The following NAV2 variants were observed in gnomAD, a reference collection of about 807,000 sequenced individuals.
NAV2 encodes neuron navigator 2.
A neutral mutation model predicts 223.2 loss-of-function variants in NAV2; 54 were observed. The ratio of observed to expected loss-of-function variants is 0.24; its 90% CI spans 0.19 to 0.30. The LOEUF (loss-of-function observed/expected upper bound fraction) is 0.30, where lower values mean the gene tolerates loss of function less well. Among genes scored for constraint, NAV2 ranks in the 10% least tolerant of loss-of-function variants. NAV2 has a pLI of 1.00. For synonymous variants in NAV2, 1,279 were observed against 1,239.3 expected, an observed-to-expected ratio of 1.03 and a Z score of -0.67; for missense variants, 2,806 against 3,147.5, an observed-to-expected ratio of 0.89 and a Z score of 2.60.
At chr11:19,390,559 C>T (rs1849207494) in intron 1 of NAV2, among the ~76,000 whole-genome samples, 1 of 152,082 alleles carries the variant, frequency 6.6e-6, no homozygotes, top group Non-Finnish European at 1.5e-5. Context: ...ATAAATAAAT[C>T]ATAAAGTTTC....
chr11:19,667,256 C>G (rs2048440028), intron 1 of NAV2, among the ~76,000 whole-genome samples: 1 of 152,250 alleles, frequency 6.6e-6, no homozygotes. Flanking sequence ...TCACTGGTGC[C>G]TGCTCTTTGC....
In NAV2 at chr11:19,812,089, G is replaced by A. The variant is rs572824831; in HGVS notation, c.268-20395G>A. On this transcript the variant is annotated intron_variant, in intron 1 of 37. Coordinates refer to ENST00000349880, the MANE Select transcript of NAV2 (RefSeq NM_145117.5). The stretch of plus-strand genomic sequence containing the variant: ...CCACATTGAAAAAAGGCAATCTCAA[G>A]AGCAGACCAGAATTCAGTCCAGCAA... Among the ~76,000 whole-genome samples, 46 of 152,224 alleles carry A rather than the reference G, an allele frequency of 3.0e-4. 1 individual carries two copies. In the South Asian group the frequency reaches 9.6e-3, roughly 32 times the overall value.
intron 30 of NAV2, among the ~76,000 whole-genome samples, chr11:20,096,009 G>A (rs2061240723): frequency 6.6e-6 from 1 of 152,220 alleles, no homozygotes; most frequent in Non-Finnish European, 1.5e-5. Context: ...GCCAGCTAGT[G>A]AGTGTGATCT....
chr11:19,459,953 G>T (rs1274118187), intron 1 of NAV2, among the ~76,000 whole-genome samples: 1 of 152,184 alleles, frequency 6.6e-6, no homozygotes, highest in Non-Finnish European at 1.5e-5. Context: ...TATCAGCATG[G>T]TGTAGTGGAT....
intron 1 of NAV2, among the ~76,000 whole-genome samples, chr11:19,761,597 T>A (rs562228487): frequency 1.3e-5 from 2 of 152,144 alleles, no homozygotes; most frequent in Non-Finnish European, 2.9e-5. Flanking sequence ...CAATGGCCAG[T>A]GTCACTGCAG....
At chr11:20,086,973 G>A (rs535083452) in intron 26 of NAV2, among the ~76,000 whole-genome samples, 29 of 152,204 alleles carry the variant, frequency 1.9e-4, no homozygotes, top group African/African-American at 5.8e-4. Flanking sequence ...TGGTGGTGTC[G>A]AAAGCTGGGC....
At chr11:19,765,917 G>A (rs1291604967) in intron 1 of NAV2, among the ~76,000 whole-genome samples, 1 of 152,034 alleles carries the variant, frequency 6.6e-6, no homozygotes, top group African/African-American at 2.4e-5. Context: ...TCTCTCTCTA[G>A]GACTTACTAT....
chr11:19,345,381 G>A, the NAV2 span, among the ~76,000 whole-genome samples: 1 of 152,208 alleles, frequency 6.6e-6, no homozygotes. This position sits in a 1 kb window ranked among gnomAD's most constrained non-coding sequence, Gnocchi z 5.2. Flanking sequence ...GACCGGCCTG[G>A]GAAAGTTTGC....
chr11:19,916,087 C>G (rs1257685931), intron 6 of NAV2, among the ~76,000 whole-genome samples: 2 of 152,162 alleles, frequency 1.3e-5, no homozygotes, highest in Non-Finnish European at 2.9e-5. Context: ...AAGTACAATA[C>G]TTAGCATAGT....
At chr11:19,733,710 T>C (rs560257761) in intron 1 of NAV2, among the ~76,000 whole-genome samples, 11 of 152,160 alleles carry the variant, frequency 7.2e-5, no homozygotes, top group African/African-American at 2.6e-4. Flanking sequence ...TATCATGGGA[T>C]TCCAAGTAGG....
intron 1 of NAV2, among the ~76,000 whole-genome samples, chr11:19,527,456 T>G (rs1011395866): frequency 2.6e-5 from 4 of 152,140 alleles, no homozygotes; most frequent in Admixed American, 2.6e-4. Context: ...TCTCCATCTT[T>G]CATTATCTCC....
At chr11:19,674,475 G>GA (rs1469759097) in intron 1 of NAV2, among the ~76,000 whole-genome samples, 2 of 151,918 alleles carry the variant, frequency 1.3e-5, no homozygotes, top group African/African-American at 4.8e-5. Context: ...TTCCCCAAGG[G>GA]AAAAAAGGGT....
intron 1 of NAV2, among the ~76,000 whole-genome samples, chr11:19,446,209 A>G (rs1162834041): frequency 1.3e-5 from 2 of 152,164 alleles, no homozygotes; most frequent in Admixed American, 6.5e-5. Flanking sequence ...AAGTGGAACC[A>G]AGTAGCCTCG....
intron 1 of NAV2, among the ~76,000 whole-genome samples, chr11:19,578,831 C>A (rs1056848962): frequency 6.6e-6 from 1 of 152,112 alleles, no homozygotes; most frequent in African/African-American, 2.4e-5. Context: ...CCTAAAATAT[C>A]TACCCTCTGG....
At chr11:19,822,749 C>A (rs145312466) in intron 1 of NAV2, among the ~76,000 whole-genome samples, 22 of 152,296 alleles carry the variant, frequency 1.4e-4, no homozygotes, top group African/African-American at 5.3e-4. Flanking sequence ...GGGATTTATA[C>A]CCTTTGGTAT....
Position 20,108,009 on chromosome 11 carries a change from C to T in NAV2, c.6960+227C>T, listed in dbSNP as rs548611725. Among the ~76,000 whole-genome samples, 37 of 152,322 alleles carry T rather than the reference C, an allele frequency of 2.4e-4. No homozygotes were observed. In the South Asian group the frequency reaches 7.5e-3, roughly 31 times the overall value. On this transcript the variant is annotated intron_variant, in intron 36 of 37. Transcript: ENST00000349880. Reference sequence around the variant, plus strand: ...AGGCCAGCTGGTTAGCCTTTCTGTGCCTCAGAGCCCTCATTGATATTCTGC... The same window carrying T: ...AGGCCAGCTGGTTAGCCTTTCTGTGTCTCAGAGCCCTCATTGATATTCTGC...
chr11:19,469,999 A>G (rs1401600188), intron 1 of NAV2, among the ~76,000 whole-genome samples: 1 of 152,262 alleles, frequency 6.6e-6, no homozygotes, highest in African/African-American at 2.4e-5. Flanking sequence ...GCCACAGGCC[A>G]TGTCAGGCAG....
chr11:20,041,191 C>A (rs1054758953), intron 12 of NAV2, among the ~76,000 whole-genome samples: 3 of 152,134 alleles, frequency 2.0e-5, no homozygotes, highest in Non-Finnish European at 4.4e-5. Flanking sequence ...ACAAATGTAT[C>A]ATATACCTCG....
intron 12 of NAV2, among the ~76,000 whole-genome samples, chr11:20,037,844 T>A (rs1189559288): frequency 6.6e-6 from 1 of 151,864 alleles, no homozygotes; most frequent in Non-Finnish European, 1.5e-5. Flanking sequence ...TGAACACTAA[T>A]TTTTTTTTCC....
Sources: gnomAD v4.1 joint callset for allele counts (sites outside exome capture counted in the v4.1 genomes callset) on GRCh38, gnomAD v4.1.1 for gene constraint, Gnocchi (gnomAD v3.1) non-coding constraint, MANE v1.5 for transcripts, NCBI Gene and HGNC (gene_info 2026-07-23, HGNC 2026-07-21) for gene names.